The following SLC22A25 variants were observed in gnomAD, a reference collection of about 807,000 sequenced individuals.
SLC22A25 encodes the protein MGI:2442751, MGI:2385316, MGI:3042283, MGI:3645714, MGI:3605624, MGI:2442750.
A neutral mutation model predicts 45.9 loss-of-function variants in SLC22A25; 44 were observed. That is an observed-to-expected ratio of 0.96 (90% CI 0.75 to 1.23). The LOEUF (loss-of-function observed/expected upper bound fraction) is 1.23. Among genes scored for constraint, SLC22A25 ranks in the 50% most tolerant of loss-of-function variants. SLC22A25 has a pLI of 0.00. For synonymous variants in SLC22A25, 283 were observed against 238.6 expected (o/e 1.19, Z -1.72); for missense variants, 800 against 666.4 (o/e 1.20, Z -2.21).
rs765973945 is a variant in SLC22A25 at position 63,160,951 on chromosome 11, A to T, written c.*2873T>A. Among the ~76,000 whole-genome samples, 4 of 152,244 alleles carry T rather than the reference A, an allele frequency of 2.6e-5. No individual in the cohort carries two copies. Among genetic ancestry groups the T allele is most frequent in the Non-Finnish European group, 4.4e-5 (3 of 68,038 alleles). ...TTGGAGGTTCCTCAAAAAAATTAAAAGTAAAGCTAACATTTGACCCAACAG... is the reference window on the plus strand; with the variant it reads ...TTGGAGGTTCCTCAAAAAAATTAAATGTAAAGCTAACATTTGACCCAACAG... On this transcript the variant is annotated 3_prime_UTR_variant, in exon 12 of 12. Coordinates refer to ENST00000306494, the MANE Select transcript of SLC22A25 (RefSeq NM_199352.6).
intron 7 of SLC22A25, chr11:63,208,417 A>T (rs893465099): frequency 6.6e-6 from 1 of 152,302 alleles, no homozygotes; most frequent in Middle Eastern, 3.1e-3. Context: ...GCCAATTTGG[A>T]TGAACCTCAT....
At chr11:63,241,284 G>A (rs1448674419) in intron 1 of SLC22A25, among the ~76,000 whole-genome samples, 1 of 152,156 alleles carries the variant, frequency 6.6e-6, no homozygotes, top group Non-Finnish European at 1.5e-5. Flanking sequence ...GTCTGGAATT[G>A]AGCCACAGAA....
At chr11:63,179,703 G>A (rs1229159446) in intron 9 of SLC22A25, among the ~76,000 whole-genome samples, 1 of 152,120 alleles carries the variant, frequency 6.6e-6, no homozygotes, top group Admixed American at 6.6e-5. Context: ...TTCTTGGGCA[G>A]CTCCCTGGAA....
intron 10 of SLC22A25, among the ~76,000 whole-genome samples, chr11:63,165,023 T>A (rs1450243452): frequency 6.6e-6 from 1 of 152,156 alleles, no homozygotes. Flanking sequence ...GACTCATCCA[T>A]GTCCTCATAG....
intron 3 of SLC22A25, among the ~76,000 whole-genome samples, chr11:63,236,343 C>G (rs1471596470): frequency 6.6e-6 from 1 of 151,982 alleles, no homozygotes; most frequent in South Asian, 2.1e-4. Flanking sequence ...TGAGCAATGG[C>G]AGGCACCCCT....
chr11:63,205,785 T>C (rs529716566), intron 7 of SLC22A25, among the ~76,000 whole-genome samples: 6 of 152,324 alleles, frequency 3.9e-5, no homozygotes, highest in Admixed American at 6.5e-5. Context: ...TAAAAGGGAC[T>C]CTTCCCAAAC....
At position 63,164,528 on chromosome 11, in the gene SLC22A25, G is replaced by C. The variant is rs751354034; in HGVS notation, c.1392C>G (p.Ile464Met). ...AGAGCACACATAAACTTTTGTACCT[G>C]ATTATGGAAGGAATTAGTTCATTTT... ...AQENELIPSI[I>M]RGRATGITGN... Residue 464 changes from isoleucine (I) to methionine (M), a missense_variant and splice_region_variant, in exon 11 of 12, where the codon ATC becomes ATG. By Grantham distance (10) the Ile-to-Met change is conservative. Coordinates refer to ENST00000306494, the MANE Select transcript of SLC22A25 (RefSeq NM_199352.6). 1.2e-6 allele frequency: 2 copies of C among 1,612,850 alleles called. No homozygotes were observed. The highest frequency in any genetic ancestry group is 4.5e-5 in the East Asian group (2 of 44,804).
intron 1 of SLC22A25, among the ~76,000 whole-genome samples, chr11:63,239,751 G>T (rs1419964070): frequency 1.3e-5 from 2 of 152,168 alleles, no homozygotes; most frequent in African/African-American, 4.8e-5. Flanking sequence ...GTGAAGGAGG[G>T]CAGAGTAAGC....
chr11:63,164,794 T>A (rs1033629757), intron 10 of SLC22A25, among the ~76,000 whole-genome samples, 160 bp from the exon 11 acceptor site: 2 of 152,186 alleles, frequency 1.3e-5, no homozygotes, highest in African/African-American at 4.8e-5. Flanking sequence ...GGCTAATAGC[T>A]GAGAAATGTG....
intron 4 of SLC22A25, 137 bp from the exon 5 acceptor site, chr11:63,228,701 G>T: frequency 1.6e-6 from 1 of 627,828 alleles, no homozygotes; most frequent in Non-Finnish European, 2.7e-6. Context: ...GATATTCACT[G>T]TTCAGGTCTC....
chr11:63,171,589 T>C (rs1372424184), intron 9 of SLC22A25, among the ~76,000 whole-genome samples: 1 of 151,956 alleles, frequency 6.6e-6, no homozygotes, highest in Non-Finnish European at 1.5e-5. Context: ...TACCTAAGAA[T>C]ACAACTTACA....
At chr11:63,165,510 A>G (rs972907229) in intron 10 of SLC22A25, among the ~76,000 whole-genome samples, 1 of 152,234 alleles carries the variant, frequency 6.6e-6, no homozygotes, top group African/African-American at 2.4e-5. Flanking sequence ...ATTTCTGTAC[A>G]TAAAGATACG....
chr11:63,199,256 CAG>C (rs1385348353), intron 7 of SLC22A25, among the ~76,000 whole-genome samples: 2 of 152,020 alleles, frequency 1.3e-5, no homozygotes, highest in African/African-American at 4.8e-5. Context: ...AAACAACAAT[CAG>C]AGAATATTAT....
intron 1 of SLC22A25, among the ~76,000 whole-genome samples, chr11:63,242,021 T>C (rs1228969803): frequency 1.3e-5 from 2 of 152,226 alleles, no homozygotes; most frequent in South Asian, 2.1e-4. Context: ...AGTCCATCTA[T>C]ATGAATGGAG....
Position 63,166,202 on chromosome 11 carries a change from T to C in SLC22A25, c.1127A>G (p.Asn376Ser). The change falls in exon 10 of 12, where the codon AAC (asparagine) becomes AGC (serine). Residue 376 changes from asparagine (N) to serine (S), a missense_variant. Physicochemically the swap from Asn to Ser is conservative, Grantham distance 46. Transcript: ENST00000306494. ...GLTLHLQHLGNNVFLLQTLFG... is the reference protein window; with the variant it reads ...GLTLHLQHLGSNVFLLQTLFG... ...GAGAGTCTGCAACAGGAAAACATTG[T>C]TTCCCAGATGCTGGAGGTGCAAAGT... The C allele has an allele frequency of 6.2e-7, 1 of 1,613,982 alleles. No individual in the cohort carries two copies. The highest frequency in any genetic ancestry group is 8.5e-7 in the Non-Finnish European group (1 of 1,179,912).
intron 9 of SLC22A25, among the ~76,000 whole-genome samples, chr11:63,171,948 A>G (rs2087902534): frequency 6.6e-6 from 1 of 152,208 alleles, no homozygotes; most frequent in Non-Finnish European, 1.5e-5. Context: ...TACTGGCACC[A>G]AATCAGATAC....
intron 3 of SLC22A25, among the ~76,000 whole-genome samples, chr11:63,231,393 G>A (rs1258573825): frequency 6.6e-6 from 1 of 152,198 alleles, no homozygotes; most frequent in Non-Finnish European, 1.5e-5. Flanking sequence ...GCATTTCTCT[G>A]ATGGCCAGTG....
chr11:63,171,038 C>T (rs910644223), intron 9 of SLC22A25, among the ~76,000 whole-genome samples: 7 of 152,084 alleles, frequency 4.6e-5, no homozygotes, highest in Non-Finnish European at 8.8e-5. Context: ...TAATCCATCA[C>T]GTAAACAGAA....
chr11:63,199,529 C>T (rs536283854), intron 7 of SLC22A25, among the ~76,000 whole-genome samples: 1 of 152,030 alleles, frequency 6.6e-6, no homozygotes, highest in Non-Finnish European at 1.5e-5. Context: ...ATAGCTGATG[C>T]CTACTTCTCA....
Sources: allele counts gnomAD v4.1 joint callset (sites outside exome capture counted in the v4.1 genomes callset), GRCh38; gene constraint gnomAD v4.1.1; transcripts MANE v1.5; gene names NCBI Gene and HGNC (gene_info 2026-07-23, HGNC 2026-07-21).